FAM168A: variants seen among roughly 807,000 people sequenced by gnomAD.
The protein encoded by FAM168A is protein FAM168A.
FAM168A carries 3 observed loss-of-function variants against 28.5 expected under a neutral mutation model. That is an observed-to-expected ratio of 0.11 (90% CI 0.05 to 0.27). FAM168A has a LOEUF of 0.27. Ranked by LOEUF, FAM168A falls within the 10% of genes least tolerant of loss-of-function variation. The pLI, the probability that FAM168A is intolerant of heterozygous loss-of-function variation, is 1.00. For synonymous variants in FAM168A, 122 were observed against 124.2 expected (o/e 0.98, Z 0.12); for missense variants, 222 against 311.5 (o/e 0.71, Z 2.16).
At chr11:73,491,981 TGTTA>T (rs1868134281) in intron 1 of FAM168A, among the ~76,000 whole-genome samples, 1 of 152,224 alleles carries the variant, frequency 6.6e-6, no homozygotes, top group Non-Finnish European at 1.5e-5. Flanking sequence ...ACTTTGTGAA[TGTTA>T]GTTAAATTTA....
At chr11:73,585,867 C>CA (rs1237281674) in intron 1 of FAM168A, among the ~76,000 whole-genome samples, 1 of 43,866 alleles carries the variant, frequency 2.3e-5, no homozygotes, top group African/African-American at 1.1e-4. Context: ...GACTCCATCT[C>CA]AAACAAAAAA....
At chr11:73,429,648 C>A (rs771202537) in intron 3 of FAM168A, among the ~76,000 whole-genome samples, 2 of 152,168 alleles carry the variant, frequency 1.3e-5, no homozygotes, top group Non-Finnish European at 2.9e-5. Context: ...TCTACTTCTT[C>A]AAATCTCTGT....
chr11:73,453,440 C>G (rs182460985), intron 2 of FAM168A, among the ~76,000 whole-genome samples: 2,022 of 151,974 alleles, frequency 0.013, 44 homozygotes, highest in African/African-American at 0.045. Flanking sequence ...GAGATCAGCA[C>G]TAGTAAAGTT....
At chr11:73,436,881 A>C (rs1302048918) in intron 2 of FAM168A, among the ~76,000 whole-genome samples, 3 of 152,190 alleles carry the variant, frequency 2.0e-5, no homozygotes, top group Non-Finnish European at 4.4e-5. Context: ...CTGGAGAGTC[A>C]ATTTGGTCAA....
chr11:73,459,215 C>A (rs1323666514), intron 2 of FAM168A, among the ~76,000 whole-genome samples: 1 of 152,032 alleles, frequency 6.6e-6, no homozygotes, highest in Non-Finnish European at 1.5e-5. Flanking sequence ...TCCTGAGTAG[C>A]TGGGACAACA....
intron 2 of FAM168A, among the ~76,000 whole-genome samples, chr11:73,441,696 G>A (rs548877312): frequency 2.0e-5 from 3 of 152,122 alleles, no homozygotes; most frequent in Non-Finnish European, 4.4e-5. Context: ...CTCTCTTATA[G>A]GTCTAGTCAG....
At chr11:73,413,474 T>A (rs1866649564) in intron 4 of FAM168A, among the ~76,000 whole-genome samples, 1 of 152,140 alleles carries the variant, frequency 6.6e-6, no homozygotes, top group South Asian at 2.1e-4. Flanking sequence ...AATGTGGTCA[T>A]AGGAGGAGAA....
At chr11:73,454,370 A>T (rs1195245657) in intron 2 of FAM168A, among the ~76,000 whole-genome samples, 2 of 152,234 alleles carry the variant, frequency 1.3e-5, no homozygotes, top group East Asian at 3.8e-4. Context: ...GGCAAGGGAA[A>T]TGGGTGGAAC....
intron 1 of FAM168A, among the ~76,000 whole-genome samples, chr11:73,505,791 A>T (rs1408382389): frequency 6.6e-6 from 1 of 152,166 alleles, no homozygotes; most frequent in Non-Finnish European, 1.5e-5. Flanking sequence ...TCTCAGACTA[A>T]GGAAACTGTT....
chr11:73,552,457 G>GT (rs1943840550), intron 1 of FAM168A, among the ~76,000 whole-genome samples: 1 of 152,158 alleles, frequency 6.6e-6, no homozygotes, highest in African/African-American at 2.4e-5. Flanking sequence ...ATTAATTTAG[G>GT]TAAAGGCTTT....
intron 1 of FAM168A, among the ~76,000 whole-genome samples, chr11:73,477,921 GTAGA>G (rs35031500): frequency 0.45 from 66,673 of 147,014 alleles, 15,196 homozygotes; most frequent in East Asian, 0.54. Context: ...AAGCTGATAT[GTAGA>G]TAGATAGATA....
rs34499254 is a variant in FAM168A at position 73,426,703 on chromosome 11, C to CTGTGTGTGTGTGTGTGTGTG, written c.151+3967_151+3986dup. 3.9e-3 allele frequency among the ~76,000 whole-genome samples: 568 copies of CTGTGTGTGTGTGTGTGTGTG among 144,276 alleles called. 2 individuals are homozygous for CTGTGTGTGTGTGTGTGTGTG. The highest frequency in any genetic ancestry group is 0.01 in the African/African-American group (397 of 38,992). 94.7% of individuals were successfully genotyped at this position (144,276 alleles called of 152,430 possible). A position where few individuals can be genotyped will look rare whatever the true frequency, so the allele number is the denominator to read the frequency against. On this transcript the variant is annotated intron_variant, in intron 3 of 7. Transcript: ENST00000356467. ...TGTGTGTGTAGGATTCCAAAATATG[C>CTGTGTGTGTGTGTGTGTGTG]TGTGTGTGTGTGTGTGTGTGTGTGT...
chr11:73,445,214 GCGA>G (rs1867279210), intron 2 of FAM168A, among the ~76,000 whole-genome samples: 1 of 151,172 alleles, frequency 6.6e-6, no homozygotes, highest in Non-Finnish European at 1.5e-5. Context: ...AGCCAAGATG[GCGA>G]CATTGCACTC....
At chr11:73,483,387 T>A (rs1157858278) in intron 1 of FAM168A, among the ~76,000 whole-genome samples, 1 of 152,174 alleles carries the variant, frequency 6.6e-6, no homozygotes, top group African/African-American at 2.4e-5. Flanking sequence ...CTTGAGGCTA[T>A]CTGCCACAGG....
At chr11:73,454,091 G>A (rs1237032501) in intron 2 of FAM168A, among the ~76,000 whole-genome samples, 2 of 152,178 alleles carry the variant, frequency 1.3e-5, no homozygotes, top group Non-Finnish European at 1.5e-5. Flanking sequence ...GTCACTGTAG[G>A]AGAGGGCGCT....
chr11:73,474,548 T>C (rs1402507061), intron 1 of FAM168A, among the ~76,000 whole-genome samples: 1 of 152,124 alleles, frequency 6.6e-6, no homozygotes, highest in African/African-American at 2.4e-5. Flanking sequence ...CAGAACCTAA[T>C]TGCCTCTTAA....
intron 1 of FAM168A, among the ~76,000 whole-genome samples, chr11:73,551,795 TA>T (rs1215937580): frequency 1.4e-4 from 21 of 152,278 alleles, no homozygotes; most frequent in African/African-American, 4.8e-4. Context: ...ATGCCAATTT[TA>T]AATCCCATCT....
chr11:73,437,400 CTTTTTTTT>C (rs747204512), intron 2 of FAM168A, among the ~76,000 whole-genome samples: 4 of 103,514 alleles, frequency 3.9e-5, no homozygotes, highest in African/African-American at 1.2e-4. Context: ...CCCGGCCACT[CTTTTTTTT>C]TTTTTTTTTT....
intron 2 of FAM168A, among the ~76,000 whole-genome samples, chr11:73,444,352 A>C (rs1311890445): frequency 6.6e-6 from 1 of 152,202 alleles, no homozygotes; most frequent in Non-Finnish European, 1.5e-5. Context: ...ATCCTCAATC[A>C]TGTGCCTTAT....
Sources: gnomAD v4.1 joint callset for allele counts (sites outside exome capture counted in the v4.1 genomes callset) on GRCh38, gnomAD v4.1.1 for gene constraint, MANE v1.5 for transcripts, NCBI Gene and HGNC (gene_info 2026-07-23, HGNC 2026-07-21) for gene names.